Variants in ADK observed in about 807,000 individuals in gnomAD.
ADK encodes adenosine kinase.
In ADK, 24 loss-of-function variants were observed where a neutral mutation model predicts 44.7. The observed-to-expected ratio is 0.54, with a 90% CI of 0.39 to 0.76. The LOEUF (loss-of-function observed/expected upper bound fraction) is 0.76, where lower values mean the gene tolerates loss of function less well. ADK is among the 30% of genes least tolerant of loss of function. The probability of loss-of-function intolerance (pLI) is 0.00; values close to 1 mark genes in which losing one functional copy is unlikely to be tolerated. For missense variants in ADK, 321 were observed against 425.1 expected, an observed-to-expected ratio of 0.76 and a Z score of 2.15; for synonymous variants, 128 against 142.6, an observed-to-expected ratio of 0.90 and a Z score of 0.73.
At chr10:74,300,259 TTTCC>T (rs1158122190) in intron 3 of ADK, among the ~76,000 whole-genome samples, 1,345 of 60,620 alleles carry the variant, frequency 0.022, 23 homozygotes, top group Non-Finnish European at 0.03. Flanking sequence ...TCTCTCCTTG[TTTCC>T]TTCCTTCCTT....
chr10:74,548,958 A>G (rs942407196), intron 7 of ADK, among the ~76,000 whole-genome samples: 5 of 152,348 alleles, frequency 3.3e-5, no homozygotes, highest in African/African-American at 1.2e-4. Context: ...TTTATTTTAT[A>G]ATGATTCATT....
intron 7 of ADK, among the ~76,000 whole-genome samples, chr10:74,550,638 TA>T (rs998764083): frequency 1.3e-5 from 2 of 152,148 alleles, no homozygotes; most frequent in Non-Finnish European, 2.9e-5. Flanking sequence ...TAGATTGGAA[TA>T]GGGGCATAGT....
rs114433227 is a variant in ADK at position 74,223,255 on chromosome 10, C to G, written c.141-1283C>G. Among the ~76,000 whole-genome samples the G allele has an allele frequency of 5.1e-3, 770 of 152,136 alleles. 6 individuals carry two copies. Among genetic ancestry groups the G allele is most frequent in the African/African-American group, 0.018 (740 of 41,510 alleles). On this transcript the variant is annotated intron_variant, in intron 2 of 10. Coordinates refer to ENST00000539909, the MANE Select transcript of ADK (RefSeq NM_006721.4). Reference sequence around the variant, plus strand: ...TGAACCTGCTAATGGTAGCTCAGGTCTCTTCTCTTCTTTTAAAGCCACCAG... The same window carrying G: ...TGAACCTGCTAATGGTAGCTCAGGTGTCTTCTCTTCTTTTAAAGCCACCAG...
At chr10:74,254,852 T>G (rs186476796) in intron 3 of ADK, among the ~76,000 whole-genome samples, 36 of 152,322 alleles carry the variant, frequency 2.4e-4, no homozygotes, top group Admixed American at 2.2e-3. Context: ...CTTCCTTTGT[T>G]TATTTGCTAT....
chr10:74,596,597 G>T (rs1851934795), intron 8 of ADK, among the ~76,000 whole-genome samples: 1 of 151,710 alleles, frequency 6.6e-6, no homozygotes, highest in African/African-American at 2.4e-5. Context: ...CCACGCTGGA[G>T]TGCAGTGGCG....
In ADK at chr10:74,200,792, C is replaced by T; in HGVS notation, c.94C>T (p.Pro32Ser). ...AAATATTCTCTTTGGAATGGGAAATCCTCTGCTTGACATCTCTGCTGTAGT... is the reference window on the plus strand; with the variant it reads ...AAATATTCTCTTTGGAATGGGAAATTCTCTGCTTGACATCTCTGCTGTAGT... ...RENILFGMGNPLLDISAVVDK... is the reference protein window; with the variant it reads ...RENILFGMGNSLLDISAVVDK... Residue 32 changes from proline (P) to serine (S), a missense_variant, in exon 2 of 11, where the codon CCT becomes TCT. Transcript: ENST00000539909. The T allele has an allele frequency of 5.0e-6, 8 of 1,611,524 alleles. No individual in the cohort carries two copies. The highest frequency in any genetic ancestry group is 6.8e-6 in the Non-Finnish European group (8 of 1,178,288).
chr10:74,315,502 A>T (rs1238961570), intron 4 of ADK, among the ~76,000 whole-genome samples: 1 of 152,160 alleles, frequency 6.6e-6, no homozygotes, highest in East Asian at 1.9e-4. Context: ...GATCTGTTTA[A>T]TCTTCCAGCT....
intron 3 of ADK, among the ~76,000 whole-genome samples, chr10:74,296,051 C>G (rs1219201797): frequency 7.1e-6 from 1 of 140,230 alleles, no homozygotes; most frequent in Non-Finnish European, 1.5e-5. Context: ...TTTTCTATTT[C>G]CACGTATTTA....
intron 4 of ADK, among the ~76,000 whole-genome samples, chr10:74,341,136 TATA>T (rs1841568901): frequency 6.6e-6 from 1 of 152,186 alleles, no homozygotes; most frequent in Non-Finnish European, 1.5e-5. Context: ...GATAGTATAC[TATA>T]ATAAGTATAT....
chr10:74,173,409 A>T (rs758239267), intron 1 of ADK, among the ~76,000 whole-genome samples: 1 of 146,970 alleles, frequency 6.8e-6, no homozygotes, highest in Non-Finnish European at 1.5e-5. Context: ...TTTCAAATTG[A>T]AAATTTTTTT....
chr10:74,305,235 C>T (rs980464316), intron 3 of ADK, among the ~76,000 whole-genome samples: 5 of 152,050 alleles, frequency 3.3e-5, no homozygotes, highest in African/African-American at 1.2e-4. Flanking sequence ...GTGGAACATA[C>T]GGATATGGAG....
chr10:74,498,262 A>G (rs1847763991), intron 6 of ADK, among the ~76,000 whole-genome samples: 1 of 152,262 alleles, frequency 6.6e-6, no homozygotes, highest in Non-Finnish European at 1.5e-5. Context: ...ACATCTTTTT[A>G]TATTAGCATT....
At chr10:74,682,961 A>G (rs1855666418) in intron 10 of ADK, among the ~76,000 whole-genome samples, 1 of 152,198 alleles carries the variant, frequency 6.6e-6, no homozygotes, top group Non-Finnish European at 1.5e-5. Flanking sequence ...TTTAATATTT[A>G]TTATTTTCCC....
chr10:74,239,366 A>G (rs1342972323), intron 3 of ADK, among the ~76,000 whole-genome samples: 1 of 152,060 alleles, frequency 6.6e-6, no homozygotes, highest in African/African-American at 2.4e-5. Flanking sequence ...ATGCAAAGAG[A>G]CATTGGTTAG....
At chr10:74,254,500 A>G (rs1314803165) in intron 3 of ADK, among the ~76,000 whole-genome samples, 1 of 152,080 alleles carries the variant, frequency 6.6e-6, no homozygotes, top group African/African-American at 2.4e-5. Flanking sequence ...TCTTCTAAAA[A>G]GAAAATTATG....
At position 74,356,006 on chromosome 10, in the gene ADK, T is replaced by TG. The variant is rs1362655780; in HGVS notation, c.274-38135_274-38134insG. ...AAATATTTCACTAAATAATTCATTT[T>TG]TTTTTTTTTTTTTTTTTTTTTTTGA... On this transcript the variant is annotated intron_variant, in intron 4 of 10. Transcript: ENST00000539909. Among the ~76,000 whole-genome samples, 7 of 115,674 alleles carry TG rather than the reference T, an allele frequency of 6.1e-5. 2 individuals carry two copies. The highest frequency in any genetic ancestry group is 8.6e-5 in the Admixed American group (1 of 11,566). The allele number at this position is 115,674 out of a possible 152,430, so 75.9% of individuals were successfully genotyped here.
At chr10:74,184,784 A>C (rs1842687683) in intron 1 of ADK, among the ~76,000 whole-genome samples, 1 of 152,182 alleles carries the variant, frequency 6.6e-6, no homozygotes, top group African/African-American at 2.4e-5. Flanking sequence ...CTACATATGC[A>C]TTACAATCAT....
chr10:74,345,759 G>A (rs1193951964), intron 4 of ADK, among the ~76,000 whole-genome samples: 1 of 152,160 alleles, frequency 6.6e-6, no homozygotes, highest in Non-Finnish European at 1.5e-5. Context: ...TATCTTATTT[G>A]AGTGGAATCA....
intron 4 of ADK, among the ~76,000 whole-genome samples, chr10:74,393,725 C>T (rs1051310660): frequency 7.2e-5 from 11 of 152,190 alleles, no homozygotes; most frequent in Admixed American, 5.9e-4. Flanking sequence ...GAGATATGCT[C>T]TAACATGCTC....
Sources: allele counts gnomAD v4.1 joint callset (sites outside exome capture counted in the v4.1 genomes callset), GRCh38; gene constraint gnomAD v4.1.1; transcripts MANE v1.5; gene names NCBI Gene and HGNC (gene_info 2026-07-23, HGNC 2026-07-21).